Variants in TTBK1 observed in about 807,000 individuals in gnomAD.
The protein encoded by TTBK1 is tau-tubulin kinase 1.
A neutral mutation model predicts 108.5 loss-of-function variants in TTBK1; 34 were observed. That is an observed-to-expected ratio of 0.31 (90% CI 0.24 to 0.42). TTBK1 has a LOEUF of 0.42. TTBK1 is among the 10% of genes least tolerant of loss of function. The pLI is 1.00. For synonymous variants in TTBK1, 809 were observed against 795.1 expected, an observed-to-expected ratio of 1.02 and a Z score of -0.29; for missense variants, 1,539 against 1,826.0, an observed-to-expected ratio of 0.84 and a Z score of 2.86.
rs538202566 is a variant in TTBK1, at chr6:43,273,886, C to G, written c.1987-8841C>G. Among the ~76,000 whole-genome samples the G allele has an allele frequency of 6.6e-6, 1 of 152,214 alleles. No individual in the cohort carries two copies. Among genetic ancestry groups the G allele is most frequent in the African/African-American group, 2.4e-5 (1 of 41,444 alleles). ...ACTGTGAGCCTGAGGACTTCCTGCA[C>G]CACCCTCTGTCCAGGGCTGCAGCAC... On this transcript the variant is annotated intron_variant, in intron 13 of 14. Coordinates refer to ENST00000259750, the MANE Select transcript of TTBK1 (RefSeq NM_032538.3). This position sits in a 1 kb window ranked among gnomAD's most constrained non-coding sequence, Gnocchi z 4.2.
At chr6:43,267,632 G>A (rs569580190) in intron 13 of TTBK1, among the ~76,000 whole-genome samples, 1 of 151,594 alleles carries the variant, frequency 6.6e-6, no homozygotes, top group Admixed American at 6.5e-5. Flanking sequence ...GGGTTTTTTT[G>A]TTTTTGTTTT....
Position 43,283,227 on chromosome 6 carries a change from TGAG to T in TTBK1, c.2492_2494del (p.Glu831del), listed in dbSNP as rs1488051357. On this transcript the variant is annotated inframe_deletion, in exon 14 of 15. Transcript: ENST00000259750. This position sits in a 1 kb window ranked among gnomAD's most constrained non-coding sequence, Gnocchi z 8.1. ...CCATGGCCGATGGGGACCTGGAGCC[TGAG>T]GAGGGCTCCAAAACGCTGGTGCTTG... 2 of 1,551,562 alleles carry T rather than the reference TGAG, an allele frequency of 1.3e-6. No individual in the cohort carries two copies. Among genetic ancestry groups the T allele is most frequent in the East Asian group, 2.4e-5 (1 of 41,034 alleles).
At chr6:43,244,102 G>T (rs1393460810) in intron 1 of TTBK1, among the ~76,000 whole-genome samples, 1 of 151,786 alleles carries the variant, frequency 6.6e-6, no homozygotes, top group Non-Finnish European at 1.5e-5. Context: ...CCCCTCAACT[G>T]TGCCCAGAGA....
intron 2 of TTBK1, among the ~76,000 whole-genome samples, chr6:43,252,182 CTGTGTGTGTGTGTGTGTGTGTG>C (rs58985204): frequency 1.4e-5 from 2 of 140,014 alleles, no homozygotes; most frequent in East Asian, 4.2e-4. Context: ...ACATCTGGCT[CTGTGTGTGTGTGTGTGTGTGTG>C]TGTGTGTGTG....
At chr6:43,258,977 G>T (rs1582487064) in intron 10 of TTBK1, 61 bp from the exon 11 acceptor site, 2 of 1,311,104 alleles carry the variant, frequency 1.5e-6, no homozygotes, top group Admixed American at 4.3e-5. Flanking sequence ...GTAGGAGAGG[G>T]CCATGGAAGG....
At position 43,257,700 on chromosome 6, in the gene TTBK1, T is replaced by C; in HGVS notation, c.862-112T>C. 1 of 1,133,182 alleles carries C rather than the reference T, an allele frequency of 8.8e-7. No homozygotes were observed. The highest frequency in any genetic ancestry group is 1.3e-6 in the Non-Finnish European group (1 of 783,816). The allele number at this position is 1,133,182 out of a possible 1,614,324, so 70.2% of individuals were successfully genotyped here. On this transcript the variant is annotated intron_variant, in intron 9 of 14. Transcript: ENST00000259750. The surrounding 1 kb of genome is among the most constrained non-coding windows in gnomAD (Gnocchi z 4.5). ...CCTTCCAATGCCCCCTCCAGGCCCA[T>C]TCCTGTCCTGGAAAGTCCCTGTCTT... is the stretch of plus-strand genomic sequence containing the variant.
Position 43,253,379 on chromosome 6 carries a change from C to G in TTBK1, c.330+15C>G, listed in dbSNP as rs749796741. On this transcript the variant is annotated intron_variant, in intron 4 of 14. Transcript: ENST00000259750. The surrounding 1 kb of genome is among the most constrained non-coding windows in gnomAD (Gnocchi z 5.8). ...TGCAGCTCCAGGTGAGTCCCCGTGG[C>G]CCATCCTCGCTCCCCTCTCTAAGAG... 1 of 1,613,578 alleles carries G rather than the reference C, an allele frequency of 6.2e-7. No individual in the cohort carries two copies. Among genetic ancestry groups the G allele is most frequent in the East Asian group, 2.2e-5 (1 of 44,888 alleles).
Position 43,259,164 on chromosome 6 carries a change from G to T in TTBK1, c.1143G>T (p.Gly381=). The stretch of plus-strand genomic sequence containing the variant: ...TTCTGCCCGGGAGGCCCTCTGAGGG[G>T]CTGGGCCCCAGTCCCCACCTTGTCC... ...PPILPGRPSE[G]LGPSPHLVPH... The change falls in exon 11 of 15, where the codon GGG becomes GGT. Residue 381 remains glycine, a synonymous_variant. Coordinates refer to ENST00000259750, the MANE Select transcript of TTBK1 (RefSeq NM_032538.3). The surrounding 1 kb of genome is among the most constrained non-coding windows in gnomAD (Gnocchi z 6.7). 7 of 1,613,344 alleles carry T rather than the reference G, an allele frequency of 4.3e-6. No individual in the cohort carries two copies. The highest frequency in any genetic ancestry group is 5.9e-6 in the Non-Finnish European group (7 of 1,179,500).
At position 43,282,770 on chromosome 6, in the gene TTBK1, G is replaced by C; in HGVS notation, c.2030G>C (p.Arg677Pro). Residue 677 changes from arginine to proline, a missense_variant, in exon 14 of 15, where the codon CGA (arginine) becomes CCA (proline). Coordinates refer to ENST00000259750, the MANE Select transcript of TTBK1 (RefSeq NM_032538.3). This position sits in a 1 kb window ranked among gnomAD's most constrained non-coding sequence, Gnocchi z 5.4. ...CCATTTGAGGTGAATGGCCTCCCACGAGCTGTGCCTCTGAGTCTGCCCTAC... is the reference window on the plus strand; with the variant it reads ...CCATTTGAGGTGAATGGCCTCCCACCAGCTGTGCCTCTGAGTCTGCCCTAC... ...APPFEVNGLP[R>P]AVPLSLPYQD... is the part of the protein sequence containing the mutation. The C allele has an allele frequency of 1.2e-6, 2 of 1,613,218 alleles. No homozygotes were observed. Among genetic ancestry groups the C allele is most frequent in the Non-Finnish European group, 1.7e-6 (2 of 1,179,706 alleles).
chr6:43,264,736 C>T (rs993736546), intron 13 of TTBK1, among the ~76,000 whole-genome samples: 1 of 152,056 alleles, frequency 6.6e-6, no homozygotes, highest in Non-Finnish European at 1.5e-5. Context: ...GGAAGTGGTT[C>T]CCATGATCAG....
In TTBK1 at chr6:43,282,763, C is replaced by A. The variant is rs752066337; in HGVS notation, c.2023C>A (p.Leu675Ile). The part of the protein sequence containing the change: ...SVAPPFEVNG[L>I]PRAVPLSLPY... The stretch of plus-strand genomic sequence containing the variant: ...GGCGCCCCCATTTGAGGTGAATGGC[C>A]TCCCACGAGCTGTGCCTCTGAGTCT... The change falls in exon 14 of 15, where the codon CTC becomes ATC. Residue 675 changes from leucine (L) to isoleucine (I), a missense_variant. Around this residue, in one of 5 missense-constraint regions of TTBK1, gnomAD observed 1,055 missense variants for 1,086.5 expected, o/e 0.97. Coordinates refer to ENST00000259750, the MANE Select transcript of TTBK1 (RefSeq NM_032538.3). This position sits in a 1 kb window ranked among gnomAD's most constrained non-coding sequence, Gnocchi z 5.4. 2 of 1,611,444 alleles carry A rather than the reference C, an allele frequency of 1.2e-6. No homozygotes were observed. The highest frequency in any genetic ancestry group is 1.7e-6 in the Non-Finnish European group (2 of 1,179,176).
Position 43,253,654 on chromosome 6 carries a change from G to A in TTBK1, c.417G>A (p.Leu139=). 6.2e-7 allele frequency: 1 copy of A among 1,612,256 alleles called. No homozygotes were observed. The highest frequency in any genetic ancestry group is 8.5e-7 in the Non-Finnish European group (1 of 1,179,570). ...STTLRLGKQI[L]ESIEAIHSVG... ...CATTGCGGCTGGGCAAGCAGATCTT[G>A]GAGTCCATCGAGGCCATCCACTCTG... The change falls in exon 5 of 15, where the codon TTG becomes TTA. Residue 139 remains leucine, a synonymous_variant. Coordinates refer to ENST00000259750, the MANE Select transcript of TTBK1 (RefSeq NM_032538.3). The surrounding 1 kb of genome is among the most constrained non-coding windows in gnomAD (Gnocchi z 5.8).
At chr6:43,247,581 T>C (rs1254134515) in intron 2 of TTBK1, among the ~76,000 whole-genome samples, 1 of 145,412 alleles carries the variant, frequency 6.9e-6, no homozygotes, top group African/African-American at 2.6e-5. Flanking sequence ...TGCACCGGAG[T>C]GGGGAGCCAG....
At chr6:43,254,867 TC>T (rs1288319780) in intron 6 of TTBK1, among the ~76,000 whole-genome samples, 181 bp from the exon 7 acceptor site, 2 of 151,886 alleles carry the variant, frequency 1.3e-5, no homozygotes, top group Middle Eastern at 3.4e-3. Context: ...GCGATTTTCC[TC>T]CCCACTCTGG....
intron 2 of TTBK1, among the ~76,000 whole-genome samples, chr6:43,252,182 CTGTGTGTGTGTG>C (rs58985204): frequency 1.2e-3 from 162 of 139,996 alleles, no homozygotes; most frequent in Middle Eastern, 3.5e-3. Flanking sequence ...ACATCTGGCT[CTGTGTGTGTGTG>C]TGTGTGTGTG....
At chr6:43,270,925 G>C in intron 13 of TTBK1, 1 of 985,516 alleles carries the variant, frequency 1.0e-6, no homozygotes, top group Non-Finnish European at 1.2e-6. Context: ...CTTCCTGTAG[G>C]TGCTCGGTCA....
chr6:43,245,044 C>T (rs184369103), intron 1 of TTBK1, among the ~76,000 whole-genome samples: 1 of 152,278 alleles, frequency 6.6e-6, no homozygotes, highest in African/African-American at 2.4e-5. Context: ...GTGGCAGCGT[C>T]CCTCCCCATG....
intron 13 of TTBK1, among the ~76,000 whole-genome samples, chr6:43,280,302 G>A (rs532778025): frequency 6.6e-6 from 1 of 152,224 alleles, no homozygotes; most frequent in South Asian, 2.1e-4. Flanking sequence ...TTCCCCACAC[G>A]CTATTCCCCA....
Position 43,284,335 on chromosome 6 carries a change from A to C in TTBK1, c.3572+23A>C, listed in dbSNP as rs754541956. The stretch of plus-strand genomic sequence containing the variant: ...CAGGTGAGAAACCGCTGCCAGCCCC[A>C]GGGTGGGCAGAGGGTGGCCACAGGC... On this transcript the variant is annotated intron_variant, in intron 14 of 14. Transcript: ENST00000259750. 1.5e-5 allele frequency: 23 copies of C among 1,508,746 alleles called. No homozygotes were observed. The South Asian group carries it at 2.9e-4, about 19-fold the overall frequency. The allele number at this position is 1,508,746 out of a possible 1,614,324, so 93.5% of individuals were successfully genotyped here.
Sources: gnomAD v4.1 joint callset for allele counts (sites outside exome capture counted in the v4.1 genomes callset) on GRCh38, gnomAD v4.1.1 for gene constraint, gnomAD v4.1.1 regional missense constraint, Gnocchi (gnomAD v3.1) non-coding constraint, MANE v1.5 for transcripts, NCBI Gene and HGNC (gene_info 2026-07-23, HGNC 2026-07-21) for gene names.